The following NEK5 variants were observed in gnomAD, a reference collection of about 807,000 sequenced individuals.
NEK5 encodes the protein NIMA related kinase 5, also known as serine/threonine-protein kinase Nek5.
NEK5 carries 88 observed loss-of-function variants against 109.2 expected under a neutral mutation model. The ratio of observed to expected loss-of-function variants is 0.81; its 90% confidence interval spans 0.68 to 0.96. The LOEUF is 0.96. Ranked by LOEUF, NEK5 falls within the 40% of genes least tolerant of loss-of-function variation. The probability of loss-of-function intolerance (pLI) is 0.00; values close to 1 mark genes in which losing one functional copy is unlikely to be tolerated. For synonymous variants in NEK5, 283 were observed against 299.9 expected, an observed-to-expected ratio of 0.94 and a Z score of 0.58; for missense variants, 834 against 920.7, an observed-to-expected ratio of 0.91 and a Z score of 1.22.
At position 52,099,783 on chromosome 13, in the gene NEK5, T is replaced by C. The variant is rs1314324734; in HGVS notation, c.986A>G (p.Asn329Ser). The stretch of plus-strand genomic sequence containing the variant: ...GGCTCCAGCTGGTGGTCTCCATTCA[T>C]TTCTATGCAATATAGCATTCCTTTT... ...PIKRNAILHR[N>S]EWRPPAGAQK... is the part of the protein sequence containing the mutation. Residue 329 changes from asparagine (N) to serine (S), a missense_variant, in exon 12 of 24, where the codon AAT becomes AGT. By Grantham distance (46) the Asn-to-Ser change is conservative. Around this residue, in one of 2 missense-constraint regions of NEK5, gnomAD observed 777 missense variants for 824.7 expected, o/e 0.94. Coordinates refer to ENST00000684899, the MANE Select transcript of NEK5 (RefSeq NM_001365552.1). 3 of 1,614,058 alleles carry C rather than the reference T, an allele frequency of 1.9e-6. No individual in the cohort carries two copies. Among genetic ancestry groups the C allele is most frequent in the Admixed American group, 1.7e-5 (1 of 60,020 alleles).
At chr13:52,125,582 T>C (rs1203455219) in intron 3 of NEK5, among the ~76,000 whole-genome samples, 2 of 152,088 alleles carry the variant, frequency 1.3e-5, no homozygotes, top group African/African-American at 4.8e-5. Flanking sequence ...CCACAGATAT[T>C]ACCTGAAGTT....
At chr13:52,087,488 CT>C in intron 14 of NEK5, 34 bp from the exon 15 acceptor site, 2 of 1,079,528 alleles carry the variant, frequency 1.9e-6, no homozygotes. Flanking sequence ...ATAATGCATA[CT>C]TTGATTTCGG....
intron 23 of NEK5, among the ~76,000 whole-genome samples, chr13:52,043,653 C>T (rs1399170676): frequency 6.6e-6 from 1 of 151,634 alleles, no homozygotes; most frequent in Non-Finnish European, 1.5e-5. Context: ...ACACAAATAC[C>T]CAGATGGTGA....
chr13:52,038,825 GAA>G (rs1183060212), intron 23 of NEK5, among the ~76,000 whole-genome samples: 2 of 94,562 alleles, frequency 2.1e-5, no homozygotes, highest in Admixed American at 2.4e-4. Flanking sequence ...ACACTCATCT[GAA>G]AAAAAAAAAA....
chr13:52,080,462 G>A (rs1034566687), intron 17 of NEK5, among the ~76,000 whole-genome samples: 31 of 149,354 alleles, frequency 2.1e-4, no homozygotes, highest in Non-Finnish European at 2.7e-4. Context: ...GGGGAAAGGC[G>A]GGGAAAAGAT....
In NEK5 at chr13:52,100,162, T is replaced by C. The variant is rs190164465; in HGVS notation, c.893-286A>G. 5.3e-3 allele frequency among the ~76,000 whole-genome samples: 808 copies of C among 152,258 alleles called. 28 individuals carry two copies. The highest frequency in any genetic ancestry group is 0.046 in the Admixed American group (704 of 15,290). ...AATATTAACATTTACAGAAACAATA[T>C]GTATGGGGTAATAATAAAAGTTATT... On this transcript the variant is annotated intron_variant, in intron 11 of 23. Coordinates refer to ENST00000684899, the MANE Select transcript of NEK5 (RefSeq NM_001365552.1).
At chr13:52,044,301 C>T (rs770378126) in intron 23 of NEK5, among the ~76,000 whole-genome samples, 5 of 152,172 alleles carry the variant, frequency 3.3e-5, no homozygotes, top group Admixed American at 1.3e-4. Context: ...TTACTTCTGT[C>T]GCTCTAGAGA....
At chr13:52,099,507 C>T (rs1279320168) in intron 12 of NEK5, among the ~76,000 whole-genome samples, 1 of 151,970 alleles carries the variant, frequency 6.6e-6, no homozygotes, top group Non-Finnish European at 1.5e-5. Flanking sequence ...CCATCTCTAC[C>T]AAAAATACAA....
In NEK5 at chr13:52,071,798, A is replaced by G; in HGVS notation, c.1849+146T>C. On this transcript the variant is annotated intron_variant, in intron 20 of 23. Transcript: ENST00000684899. ...TGGCCACTGCATGGGTGGCAGGAGAATAATAAGTGTGTTTCTGCCTTGCTT... is the reference window on the plus strand; with the variant it reads ...TGGCCACTGCATGGGTGGCAGGAGAGTAATAAGTGTGTTTCTGCCTTGCTT... The G allele has an allele frequency of 5.8e-6, 4 of 684,434 alleles. No individual in the cohort carries two copies. The South Asian group carries it at 6.9e-5, about 12-fold the overall frequency. The allele number at this position is 684,434 out of a possible 1,614,324, so 42.4% of individuals were successfully genotyped here. A position where few individuals can be genotyped will look rare whatever the true frequency, so the allele number is the denominator to read the frequency against.
At chr13:52,103,545 A>G (rs1806764101) in intron 9 of NEK5, among the ~76,000 whole-genome samples, 1 of 152,264 alleles carries the variant, frequency 6.6e-6, no homozygotes, top group African/African-American at 2.4e-5. Flanking sequence ...AGCTCTCCTC[A>G]GAAAGGCCTG....
intron 3 of NEK5, among the ~76,000 whole-genome samples, chr13:52,121,999 T>A (rs1317939807): frequency 2.0e-5 from 3 of 151,364 alleles, no homozygotes; most frequent in South Asian, 2.1e-4. Context: ...ACTCCTGGGG[T>A]CAAGGGATCC....
chr13:52,074,145 A>T (rs1310151006), intron 19 of NEK5, among the ~76,000 whole-genome samples: 1 of 152,190 alleles, frequency 6.6e-6, no homozygotes, highest in Admixed American at 6.5e-5. Context: ...TAAAATTCAT[A>T]TGTAAACAAA....
chr13:52,112,273 CT>C lies in NEK5; in HGVS notation c.306del (p.Asp103IlefsTer12). On this transcript the variant is annotated frameshift_variant, in exon 5 of 24. Coordinates refer to ENST00000684899, the MANE Select transcript of NEK5 (RefSeq NM_001365552.1). LOFTEE classifies it high-confidence loss of function. ...AGCAAATTAGAAGTTTTTACCTGAT[CT>C]TCACTAAATAACACACCCCGTTGTC... ...INRQRGVLFSEDQILGWFVQI... is the reference protein window; with the variant it reads ...INRQRGVLFSXDQILGWFVQI... 1 of 1,593,376 alleles carries C rather than the reference CT, an allele frequency of 6.3e-7. No homozygotes were observed. Among genetic ancestry groups the C allele is most frequent in the Non-Finnish European group, 8.6e-7 (1 of 1,162,434 alleles).
chr13:52,067,016 T>C (rs777208964), intron 20 of NEK5, among the ~76,000 whole-genome samples: 28 of 152,322 alleles, frequency 1.8e-4, no homozygotes, highest in Non-Finnish European at 2.9e-4. Context: ...ACTTTTCATT[T>C]GTGCTGAATT....
At chr13:52,102,357 G>T (rs1337832164) in intron 9 of NEK5, 65 bp from the exon 10 acceptor site, 2 of 1,247,070 alleles carry the variant, frequency 1.6e-6, no homozygotes, top group Non-Finnish European at 2.4e-6. Context: ...AATAATAAAA[G>T]TGTTAAAGTA....
At chr13:52,118,124 CAGTA>C (rs1955897475) in intron 4 of NEK5, among the ~76,000 whole-genome samples, 1 of 152,202 alleles carries the variant, frequency 6.6e-6, no homozygotes, top group Non-Finnish European at 1.5e-5. Flanking sequence ...CGGTTTTAAT[CAGTA>C]AGGAACACAG....
At position 52,099,803 on chromosome 13, in the gene NEK5, C is replaced by G. The variant is rs1955493476; in HGVS notation, c.966G>C (p.Arg322Ser). 1 of 1,613,700 alleles carries G rather than the reference C, an allele frequency of 6.2e-7. No individual in the cohort carries two copies. Among genetic ancestry groups the G allele is most frequent in the African/African-American group, 1.3e-5 (1 of 74,922 alleles). ...ATTCATTTCTATGCAATATAGCATT[C>G]CTTTTAATTGGCACAGATATCCTTG... is the stretch of plus-strand genomic sequence containing the variant. ...PRSRISVPIK[R>S]NAILHRNEWR... Residue 322 changes from arginine to serine, a missense_variant, in exon 12 of 24, where the codon AGG becomes AGC. Arg to Ser is a moderately radical substitution (Grantham distance 110). This residue lies in a region of NEK5 where 777 missense variants were observed against 824.7 expected (regional missense o/e 0.94). Transcript: ENST00000684899.
chr13:52,115,927 T>C (rs890624890), intron 4 of NEK5, among the ~76,000 whole-genome samples: 1 of 152,122 alleles, frequency 6.6e-6, no homozygotes, highest in Non-Finnish European at 1.5e-5. Flanking sequence ...CCCAGCACTT[T>C]GGGAGGCCAA....
At chr13:52,125,170 G>A (rs191190730) in intron 3 of NEK5, among the ~76,000 whole-genome samples, 32 of 152,276 alleles carry the variant, frequency 2.1e-4, no homozygotes, top group South Asian at 1.9e-3. Context: ...CTCAATGATC[G>A]TCATCCTAAA....
Sources: allele counts gnomAD v4.1 joint callset (sites outside exome capture counted in the v4.1 genomes callset), GRCh38; gene constraint gnomAD v4.1.1; regional missense constraint gnomAD v4.1.1; transcripts MANE v1.5; gene names NCBI Gene and HGNC (gene_info 2026-07-23, HGNC 2026-07-21).